The following GPSM2 variants were observed in gnomAD, a reference collection of about 807,000 sequenced individuals.
GPSM2 encodes G protein-signaling modulator 2.
A neutral mutation model predicts 78.4 loss-of-function variants in GPSM2; 58 were observed. That is an observed-to-expected ratio of 0.74 (90% CI 0.60 to 0.92). The LOEUF (loss-of-function observed/expected upper bound fraction) is 0.92, where lower values mean the gene tolerates loss of function less well. GPSM2 is among the 40% of genes least tolerant of loss of function. GPSM2 has a pLI of 0.00. For synonymous variants in GPSM2, 224 were observed against 280.2 expected (o/e 0.80, Z 2.00); for missense variants, 700 against 815.5 (o/e 0.86, Z 1.73).
chr1:108,914,609 G>T (rs1209689115), intron 11 of GPSM2, among the ~76,000 whole-genome samples: 1 of 152,082 alleles, frequency 6.6e-6, no homozygotes, highest in African/African-American at 2.4e-5. Flanking sequence ...AAAAATACAT[G>T]CATATATTTC....
At chr1:108,901,405 G>A (rs961921735) in intron 7 of GPSM2, among the ~76,000 whole-genome samples, 3 of 152,184 alleles carry the variant, frequency 2.0e-5, no homozygotes, top group Non-Finnish European at 4.4e-5. Context: ...ATGCAAAGGT[G>A]ACGGTATGAT....
At chr1:108,897,775 T>A (rs188802498) in intron 4 of GPSM2, 148 bp downstream of exon 4, 1,190 of 942,760 alleles carry the variant, frequency 1.3e-3, no homozygotes, top group Non-Finnish European at 1.5e-3. Flanking sequence ...AGAAAAAAAA[T>A]TTAATGGAGA....
chr1:108,877,297 T>C (rs1386810228), intron 1 of GPSM2, 69 bp downstream of exon 1: 1 of 151,462 alleles, frequency 6.6e-6, no homozygotes, highest in Non-Finnish European at 1.5e-5. Context: ...CAGGGAGGGG[T>C]GCGTGTGCGT....
At chr1:108,897,733 AAAG>A (rs1165823227) in intron 4 of GPSM2, 106 bp downstream of exon 4, 1 of 1,117,260 alleles carries the variant, frequency 9.0e-7, no homozygotes, top group African/African-American at 1.6e-5. Context: ...TAATACCAAA[AAAG>A]AAAACATTTA....
intron 5 of GPSM2, 58 bp from the exon 6 acceptor site, chr1:108,898,584 C>T: frequency 6.6e-7 from 1 of 1,520,404 alleles, no homozygotes; most frequent in Non-Finnish European, 9.1e-7. Flanking sequence ...ATATGTAAAT[C>T]ACATACATAA....
At chr1:108,920,288 G>A (rs1384629517) in intron 12 of GPSM2, among the ~76,000 whole-genome samples, 1 of 152,100 alleles carries the variant, frequency 6.6e-6, no homozygotes, top group African/African-American at 2.4e-5. Context: ...GGCCAACATA[G>A]CGAAACCCCG....
intron 11 of GPSM2, among the ~76,000 whole-genome samples, chr1:108,917,615 T>C (rs187806170): frequency 0.24 from 1,122 of 4,690 alleles, 8 homozygotes; most frequent in African/African-American, 0.35. Context: ...CACACACATA[T>C]ATATATATAT....
chr1:108,906,581 T>TA (rs1281256830), intron 10 of GPSM2, among the ~76,000 whole-genome samples: 2 of 150,514 alleles, frequency 1.3e-5, no homozygotes, highest in Non-Finnish European at 3.0e-5. Flanking sequence ...TTTTCTAAAT[T>TA]AAAAAAATAT....
At chr1:108,924,968 G>A (rs1290684500) in intron 14 of GPSM2, among the ~76,000 whole-genome samples, 1 of 152,178 alleles carries the variant, frequency 6.6e-6, no homozygotes, top group East Asian at 1.9e-4. Flanking sequence ...GTATGGTGAT[G>A]CAGGCAAAAA....
chr1:108,928,786 C>T lies in GPSM2; in HGVS notation c.1816-915C>T, dbSNP rs540210819. Among the ~76,000 whole-genome samples the T allele has an allele frequency of 6.1e-4, 93 of 152,096 alleles. 1 individual carries two copies. Among genetic ancestry groups the T allele is most frequent in the South Asian group, 2.5e-3 (12 of 4,818 alleles). On this transcript the variant is annotated intron_variant, in intron 14 of 14. Coordinates refer to ENST00000264126, the MANE Select transcript of GPSM2 (RefSeq NM_013296.5). Reference sequence around the variant, plus strand: ...GGTGGATCACTTGAGGTCAAGAGTTCGAGACCAGCCTGGCCAACATGGTGA... The same window carrying T: ...GGTGGATCACTTGAGGTCAAGAGTTTGAGACCAGCCTGGCCAACATGGTGA...
At chr1:108,920,801 G>C (rs1650648896) in intron 12 of GPSM2, among the ~76,000 whole-genome samples, 1 of 152,128 alleles carries the variant, frequency 6.6e-6, no homozygotes, top group Admixed American at 6.6e-5. Flanking sequence ...TTCAAGGTTT[G>C]GGGTCTTAAC....
chr1:108,923,409 A>G (rs1372663096), intron 13 of GPSM2, among the ~76,000 whole-genome samples: 1 of 152,234 alleles, frequency 6.6e-6, no homozygotes, highest in Non-Finnish European at 1.5e-5. Flanking sequence ...TAAAACGTCA[A>G]TGCTTCATAT....
chr1:108,898,088 G>C lies in GPSM2; in HGVS notation c.544G>C (p.Val182Leu), dbSNP rs143877156. ...EEVRDALQAA[V>L]DFYEENLSLV... ...AGTGAGAGATGCTCTGCAGGCAGCC[G>C]TGGATTTTTATGAGTGAGTAGGGGC... Residue 182 changes from valine (V) to leucine (L), a missense_variant, in exon 5 of 15, where the codon GTG becomes CTG. By Grantham distance (32) the Val-to-Leu change is conservative (BLOSUM62 1). Transcript: ENST00000264126. The C allele has an allele frequency of 6.2e-7, 1 of 1,613,826 alleles. No homozygotes were observed. Among genetic ancestry groups the C allele is most frequent in the African/African-American group, 1.3e-5 (1 of 74,918 alleles).
Position 108,898,017 on chromosome 1 carries a change from G to C in GPSM2, c.473G>C (p.Ser158Thr), listed in dbSNP as rs776583119. 3 of 1,614,016 alleles carry C rather than the reference G, an allele frequency of 1.9e-6. No homozygotes were observed. The highest frequency in any genetic ancestry group is 1.7e-6 in the Non-Finnish European group (2 of 1,179,852). Residue 158 changes from serine (S) to threonine (T), a missense_variant, in exon 5 of 15, where the codon AGT (serine) becomes ACT (threonine). Ser to Thr is a moderately conservative substitution (Grantham distance 58). Coordinates refer to ENST00000264126, the MANE Select transcript of GPSM2 (RefSeq NM_013296.5). ...LGNVYHAKGK[S>T]FGCPGPQDVG... The stretch of plus-strand genomic sequence containing the variant: ...AATGTGTATCATGCCAAAGGGAAAA[G>C]TTTTGGTTGCCCTGGTCCCCAGGAT...
Position 108,904,378 on chromosome 1 carries a change from T to C in GPSM2, c.1192+124T>C. On this transcript the variant is annotated intron_variant, in intron 10 of 14. Coordinates refer to ENST00000264126, the MANE Select transcript of GPSM2 (RefSeq NM_013296.5). ...ATGGGAAGTTCAACTTATTACACTT[T>C]TTTGCTGTACACAGCTCTGTTTGTA... 2 of 527,260 alleles carry C rather than the reference T, an allele frequency of 3.8e-6. 1 individual carries two copies. The highest frequency in any genetic ancestry group is 6.9e-6 in the Non-Finnish European group (2 of 289,060). 32.7% of individuals were successfully genotyped at this position (527,260 alleles called of 1,614,324 possible).
chr1:108,884,750 C>T (rs1459975212), intron 1 of GPSM2, among the ~76,000 whole-genome samples: 1 of 152,024 alleles, frequency 6.6e-6, no homozygotes, highest in Non-Finnish European at 1.5e-5. Context: ...TACATATTTC[C>T]CAAATGTCTT....
chr1:108,913,925 T>C (rs1001347240), intron 10 of GPSM2, among the ~76,000 whole-genome samples: 4 of 152,136 alleles, frequency 2.6e-5, no homozygotes, highest in African/African-American at 9.7e-5. Flanking sequence ...AACAGCATAG[T>C]AGTGGGGATG....
intron 8 of GPSM2, 48 bp downstream of exon 8, chr1:108,901,993 T>C: frequency 7.9e-7 from 1 of 1,269,592 alleles, no homozygotes; most frequent in Non-Finnish European, 1.2e-6. Flanking sequence ...TATAGATGCA[T>C]TATTGAATCC....
intron 1 of GPSM2, among the ~76,000 whole-genome samples, chr1:108,882,776 A>G (rs2101310758): frequency 6.6e-6 from 1 of 152,358 alleles, no homozygotes; most frequent in Admixed American, 6.5e-5. Context: ...ATCCACACTA[A>G]TTCCCTTTAT....
Sources: gnomAD v4.1 joint callset for allele counts (sites outside exome capture counted in the v4.1 genomes callset) on GRCh38, gnomAD v4.1.1 for gene constraint, MANE v1.5 for transcripts, NCBI Gene and HGNC (gene_info 2026-07-23, HGNC 2026-07-21) for gene names.